ZNF385B: variants seen among roughly 807,000 people sequenced by gnomAD.
The protein encoded by ZNF385B is zinc finger protein 533.
Under a neutral mutation model 39.2 loss-of-function variants are expected in ZNF385B, and 23 were observed. That is an observed-to-expected ratio of 0.59 (90% CI 0.42 to 0.83). ZNF385B has a LOEUF of 0.83. ZNF385B is among the 40% of genes least tolerant of loss of function. ZNF385B has a pLI of 0.00. For missense variants in ZNF385B, 552 were observed against 598.9 expected (o/e 0.92, Z 0.82); for synonymous variants, 205 against 222.6 (o/e 0.92, Z 0.70).
chr2:179,554,179 C>A (rs2060759098), intron 3 of ZNF385B, among the ~76,000 whole-genome samples: 2 of 149,052 alleles, frequency 1.3e-5, no homozygotes, highest in Admixed American at 1.3e-4. Flanking sequence ...TACTCCTAAT[C>A]CTTGACACTA....
rs182172758 is a variant in ZNF385B, at chr2:179,498,685, C to T, written c.553-15251G>A. On this transcript the variant is annotated intron_variant, in intron 5 of 9. Coordinates refer to ENST00000410066, the MANE Select transcript of ZNF385B (RefSeq NM_152520.6). ...CCCAAACCATGGGATACTGCAAAAG[C>T]AGTACTAAGAGAGTTTATAGTTTTA... Among the ~76,000 whole-genome samples, 7 of 151,878 alleles carry T rather than the reference C, an allele frequency of 4.6e-5. No homozygotes were observed. The East Asian group carries it at 1.2e-3, about 25-fold the overall frequency.
intron 6 of ZNF385B, among the ~76,000 whole-genome samples, chr2:179,479,332 C>T (rs776928631): frequency 2.2e-4 from 33 of 152,054 alleles, no homozygotes; most frequent in Non-Finnish European, 4.0e-4. Context: ...CATGATATCC[C>T]GAAATTTTTA....
chr2:179,550,336 G>A (rs1333547518), intron 3 of ZNF385B, among the ~76,000 whole-genome samples: 1 of 149,260 alleles, frequency 6.7e-6, no homozygotes, highest in East Asian at 1.9e-4. Flanking sequence ...GAGTCACTTT[G>A]TAATAACAAA....
intron 1 of ZNF385B, among the ~76,000 whole-genome samples, chr2:179,798,762 G>T (rs1199240804): frequency 6.6e-6 from 1 of 152,060 alleles, no homozygotes; most frequent in Non-Finnish European, 1.5e-5. Context: ...TCTTTTCCGT[G>T]TGGTATGCCA....
chr2:179,855,205 T>C lies in ZNF385B; in HGVS notation c.-155+5896A>G, dbSNP rs377084666. On this transcript the variant is annotated intron_variant, in intron 1 of 9. Coordinates refer to ENST00000410066, the MANE Select transcript of ZNF385B (RefSeq NM_152520.6). ...TAATAACATAATGGCTATTTCAGAA[T>C]CTCAGCCAAAAAGAAAAGAAAAAGT... Among the ~76,000 whole-genome samples, 3 of 152,170 alleles carry C rather than the reference T, an allele frequency of 2.0e-5. No individual in the cohort carries two copies. In the East Asian group the frequency reaches 5.8e-4, roughly 29 times the overall value.
intron 3 of ZNF385B, among the ~76,000 whole-genome samples, chr2:179,657,233 A>G (rs1381535028): frequency 1.3e-5 from 2 of 152,228 alleles, no homozygotes; most frequent in Non-Finnish European, 2.9e-5. Flanking sequence ...GATGAACAAG[A>G]AAACTTAGTC....
intron 3 of ZNF385B, among the ~76,000 whole-genome samples, chr2:179,572,405 T>C (rs1020841266): frequency 1.3e-4 from 19 of 151,844 alleles, no homozygotes; most frequent in African/African-American, 4.6e-4. Flanking sequence ...AGTGTGGCAA[T>C]AGGAAAAACA....
At chr2:179,858,271 T>A (rs1056814432) in intron 1 of ZNF385B, among the ~76,000 whole-genome samples, 1 of 152,062 alleles carries the variant, frequency 6.6e-6, no homozygotes, top group Non-Finnish European at 1.5e-5. Context: ...CTAGGAGAAA[T>A]ATTAAAATTG....
At chr2:179,821,664 T>C (rs909775014) in intron 1 of ZNF385B, among the ~76,000 whole-genome samples, 1 of 152,112 alleles carries the variant, frequency 6.6e-6, no homozygotes, top group Non-Finnish European at 1.5e-5. Flanking sequence ...AGACGTGCTT[T>C]ACCCAAGATA....
intron 3 of ZNF385B, among the ~76,000 whole-genome samples, chr2:179,648,440 A>G (rs770006807): frequency 5.3e-5 from 8 of 152,150 alleles, no homozygotes; most frequent in Non-Finnish European, 1.2e-4. Flanking sequence ...ATGGTTTTCA[A>G]CATACACTGA....
chr2:179,761,470 T>G (rs969694407), intron 3 of ZNF385B, among the ~76,000 whole-genome samples: 1 of 152,204 alleles, frequency 6.6e-6, no homozygotes, highest in African/African-American at 2.4e-5. Flanking sequence ...ACACATGTTT[T>G]TTAAAGTATA....
intron 3 of ZNF385B, among the ~76,000 whole-genome samples, chr2:179,694,351 CTTTT>C (rs61002544): frequency 7.0e-6 from 1 of 141,892 alleles, no homozygotes. Flanking sequence ...CTGCATTAAG[CTTTT>C]TTTTTTTTTT....
chr2:179,609,105 T>G (rs1315081085), intron 3 of ZNF385B, among the ~76,000 whole-genome samples: 1 of 152,112 alleles, frequency 6.6e-6, no homozygotes, highest in African/African-American at 2.4e-5. Flanking sequence ...TATAAGAGTA[T>G]GATATTATTG....
intron 1 of ZNF385B, among the ~76,000 whole-genome samples, chr2:179,850,588 G>A (rs1490387884): frequency 5.3e-5 from 8 of 152,102 alleles, no homozygotes; most frequent in Admixed American, 1.3e-4. Flanking sequence ...CTTCTTATTC[G>A]GAACCGGATG....
At chr2:179,546,883 A>T (rs147470456) in intron 3 of ZNF385B, among the ~76,000 whole-genome samples, 10 of 149,884 alleles carry the variant, frequency 6.7e-5, no homozygotes, top group Non-Finnish European at 1.3e-4. Context: ...CATCCTTGCC[A>T]ACATTTGTTA....
chr2:179,650,813 G>A (rs1030012740), intron 3 of ZNF385B, among the ~76,000 whole-genome samples: 1 of 152,170 alleles, frequency 6.6e-6, no homozygotes, highest in African/African-American at 2.4e-5. Context: ...TTGATTCAAT[G>A]TGTCACAGCA....
chr2:179,636,415 G>T (rs1000041737), intron 3 of ZNF385B, among the ~76,000 whole-genome samples: 30 of 152,110 alleles, frequency 2.0e-4, no homozygotes, highest in African/African-American at 7.2e-4. Context: ...AAATATATCT[G>T]CGACCCTTAG....
chr2:179,756,421 T>C (rs1308398463), intron 3 of ZNF385B, among the ~76,000 whole-genome samples: 1 of 152,218 alleles, frequency 6.6e-6, no homozygotes, highest in East Asian at 1.9e-4. Context: ...ATTTTTTCCT[T>C]CATTTCAACT....
chr2:179,482,102 T>C (rs1250997300), intron 6 of ZNF385B, among the ~76,000 whole-genome samples: 2 of 152,222 alleles, frequency 1.3e-5, no homozygotes, highest in African/African-American at 4.8e-5. Flanking sequence ...TCAATCCTTC[T>C]ACGCTGAAGA....
Sources: gnomAD v4.1 joint callset for allele counts (sites outside exome capture counted in the v4.1 genomes callset) on GRCh38, gnomAD v4.1.1 for gene constraint, MANE v1.5 for transcripts, NCBI Gene and HGNC (gene_info 2026-07-23, HGNC 2026-07-21) for gene names.